Variants in TFRC observed in about 807,000 individuals in gnomAD.
TFRC encodes transferrin receptor protein 1.
TFRC carries 35 observed loss-of-function variants against 85.8 expected under a neutral mutation model. The observed-to-expected ratio is 0.41, with a 90% CI of 0.31 to 0.54. The LOEUF (loss-of-function observed/expected upper bound fraction) is 0.54. Ranked by LOEUF, TFRC falls within the 20% of genes least tolerant of loss-of-function variation. The pLI is 0.31. For missense variants in TFRC, 828 were observed against 921.5 expected, an observed-to-expected ratio of 0.90 and a Z score of 1.31; for synonymous variants, 362 against 328.6, an observed-to-expected ratio of 1.10 and a Z score of -1.10.
chr3:196,052,575 G>A (rs1716422394), intron 18 of TFRC, among the ~76,000 whole-genome samples: 1 of 151,960 alleles, frequency 6.6e-6, no homozygotes, highest in Non-Finnish European at 1.5e-5. Flanking sequence ...TGAGCAGCTG[G>A]AATTACAGGC....
At chr3:196,057,497 A>C (rs1716897828) in intron 16 of TFRC, among the ~76,000 whole-genome samples, 1 of 151,988 alleles carries the variant, frequency 6.6e-6, no homozygotes, top group Non-Finnish European at 1.5e-5. Flanking sequence ...TCCTTCTTTA[A>C]CTCGGTGTCT....
chr3:196,075,271 T>G lies in TFRC; in HGVS notation c.126A>C (p.Val42=). ...TATTGTCAGCATTTTCTTCTTCATC[T>G]ACAGCAAGTTTCATCTCCACATGAC... The part of the protein sequence containing the change: ...DNSHVEMKLA[V]DEEENADNNT... The change falls in exon 3 of 19, where the codon GTA becomes GTC. Residue 42 remains valine (V), a synonymous_variant. Transcript: ENST00000360110. 1 of 1,614,174 alleles carries G rather than the reference T, an allele frequency of 6.2e-7. No individual in the cohort carries two copies.
At chr3:196,079,929 C>T (rs1719028346) in intron 1 of TFRC, among the ~76,000 whole-genome samples, 1 of 152,202 alleles carries the variant, frequency 6.6e-6, no homozygotes, top group South Asian at 2.1e-4. Context: ...CTCTGACTGA[C>T]TTCCCTATCC....
At chr3:196,063,759 A>G (rs1717477519) in intron 11 of TFRC, among the ~76,000 whole-genome samples, 1 of 152,062 alleles carries the variant, frequency 6.6e-6, no homozygotes, top group Non-Finnish European at 1.5e-5. Context: ...TCTAGTAAAA[A>G]TACAAAAATT....
chr3:196,066,150 G>A (rs976381750), intron 9 of TFRC, among the ~76,000 whole-genome samples: 9 of 152,138 alleles, frequency 5.9e-5, no homozygotes, highest in Non-Finnish European at 1.0e-4. Flanking sequence ...CTTTCTGCCA[G>A]ACATACTTAC....
chr3:196,071,531 G>A (rs1408289322), intron 5 of TFRC, 33 bp from the exon 6 acceptor site: 2 of 1,600,558 alleles, frequency 1.2e-6, no homozygotes, highest in South Asian at 2.2e-5. Context: ...ATAAGCCTAA[G>A]GTCATCCTTC....
At chr3:196,058,231 C>A in intron 16 of TFRC, 53 bp downstream of exon 16, 1 of 1,455,260 alleles carries the variant, frequency 6.9e-7, no homozygotes, top group East Asian at 2.3e-5. Context: ...AAATACAGAT[C>A]ACTTCCTTTT....
chr3:196,079,577 T>C (rs1196082289), intron 1 of TFRC, among the ~76,000 whole-genome samples: 1 of 152,154 alleles, frequency 6.6e-6, no homozygotes, highest in African/African-American at 2.4e-5. Flanking sequence ...GATCACACCA[T>C]TGCACTACAG....
At chr3:196,069,692 C>A in intron 6 of TFRC, 124 bp from the exon 7 acceptor site, 2 of 560,702 alleles carry the variant, frequency 3.6e-6, no homozygotes, top group Non-Finnish European at 6.2e-6. Flanking sequence ...AAAAGGAGGC[C>A]AAGGCCTAAA....
rs759963198 is a variant in TFRC at position 196,051,936 on chromosome 3, T to A, written c.*6A>T. On this transcript the variant is annotated 3_prime_UTR_variant, in exon 19 of 19. Transcript: ENST00000360110. ...GCTGTTCTCATGGAAGCTATGGGTA[T>A]CACATTTAAAACTCATTGTCAATGT... 7 of 1,613,438 alleles carry A rather than the reference T, an allele frequency of 4.3e-6. No individual in the cohort carries two copies. In the African/African-American group the frequency reaches 9.3e-5, roughly 22 times the overall value.
At chr3:196,059,251 C>A (rs1717074216) in intron 14 of TFRC, among the ~76,000 whole-genome samples, 1 of 152,084 alleles carries the variant, frequency 6.6e-6, no homozygotes, top group South Asian at 2.1e-4. Context: ...GAGGTGGAGG[C>A]TGCAGTGAGC....
In TFRC at chr3:196,058,346, T is replaced by C. The variant is rs1428775495; in HGVS notation, c.1615A>G (p.Asn539Asp). ...ASKVEKLTLD[N>D]AAFPFLAYSG... ...TATGCAAGGAAAGGGAAAGCAGCATTGTCTAAAGTGAGTTTCTCACTGCAA... is the reference window on the plus strand; with the variant it reads ...TATGCAAGGAAAGGGAAAGCAGCATCGTCTAAAGTGAGTTTCTCACTGCAA... The change falls in exon 16 of 19, where the codon AAT (asparagine) becomes GAT (aspartate). Residue 539 changes from asparagine to aspartate, a missense_variant. Physicochemically the swap from Asn to Asp is conservative, Grantham distance 23 (BLOSUM62 1). Transcript: ENST00000360110. 5.0e-6 allele frequency: 8 copies of C among 1,613,832 alleles called. No homozygotes were observed. The highest frequency in any genetic ancestry group is 3.3e-5 in the Admixed American group (2 of 59,934).
At chr3:196,060,472 A>G (rs1013583304) in intron 13 of TFRC, 7 of 503,502 alleles carry the variant, frequency 1.4e-5, no homozygotes, top group African/African-American at 7.9e-5. Flanking sequence ...TTGAGTTTGC[A>G]TACTTTAATC....
intron 1 of TFRC, among the ~76,000 whole-genome samples, chr3:196,080,575 G>A (rs566306094): frequency 3.3e-4 from 50 of 152,330 alleles, no homozygotes; most frequent in African/African-American, 1.2e-3. Flanking sequence ...ATCGATTCAG[G>A]TTTAGCTGGG....
intron 14 of TFRC, chr3:196,058,858 T>G (rs1418039606): frequency 3.3e-6 from 1 of 300,814 alleles, no homozygotes. Flanking sequence ...TGTTTTCTTC[T>G]TAATTAACAT....
At position 196,064,247 on chromosome 3, in the gene TFRC, T is replaced by C. The variant is rs1717522683; in HGVS notation, c.1318+62A>G. The C allele has an allele frequency of 6.6e-6, 10 of 1,510,220 alleles. No homozygotes were observed. In the Admixed American group the frequency reaches 1.8e-4, roughly 27 times the overall value. The allele number at this position is 1,510,220 out of a possible 1,614,324, so 93.6% of individuals were successfully genotyped here. On this transcript the variant is annotated intron_variant, in intron 11 of 18. Coordinates refer to ENST00000360110, the MANE Select transcript of TFRC (RefSeq NM_001128148.3). ...TGCAGGCAAAGTGAGCAAAGCACAG[T>C]ATAACATCTAGAACTGTATGCAGTG...
At chr3:196,074,345 G>GT in intron 3 of TFRC, 2 of 379,706 alleles carry the variant, frequency 5.3e-6, no homozygotes, top group Non-Finnish European at 9.3e-6. Context: ...AACATAGGTA[G>GT]TTTTTTCCAA....
intron 10 of TFRC, among the ~76,000 whole-genome samples, chr3:196,064,647 A>G (rs888822985): frequency 6.6e-6 from 1 of 152,244 alleles, no homozygotes; most frequent in Non-Finnish European, 1.5e-5. Flanking sequence ...ACTACTAATT[A>G]AATTTACTGA....
Position 196,065,419 on chromosome 3 carries a change from G to GGGGC in TFRC, c.1198+23_1198+24insGCCC, listed in dbSNP as rs1717642375. The stretch of plus-strand genomic sequence containing the variant: ...AAGAAAACAAAAAAAAAGCGGGGCG[G>GGGGC]GGGGGGGGGGGGGCGGTCTTTACCT... On this transcript the variant is annotated intron_variant, in intron 10 of 18. Transcript: ENST00000360110. 2 of 13,540 alleles carry GGGGC rather than the reference G, an allele frequency of 1.5e-4. 1 individual carries two copies. Among genetic ancestry groups the GGGGC allele is most frequent in the Middle Eastern group, 0.027 (2 of 74 alleles). The allele number at this position is 13,540 out of a possible 1,614,324, so 0.8% of individuals were successfully genotyped here. A position where few individuals can be genotyped will look rare whatever the true frequency, so the allele number is the denominator to read the frequency against.
Sources: allele counts gnomAD v4.1 joint callset (sites outside exome capture counted in the v4.1 genomes callset), GRCh38; gene constraint gnomAD v4.1.1; transcripts MANE v1.5; gene names NCBI Gene and HGNC (gene_info 2026-07-23, HGNC 2026-07-21).